The following CCDC174 variants were observed in gnomAD, a reference collection of about 807,000 sequenced individuals.
CCDC174 encodes coiled-coil domain-containing protein 174.
Under a neutral mutation model 57.1 loss-of-function variants are expected in CCDC174, and 37 were observed. The ratio of observed to expected loss-of-function variants is 0.65; its 90% CI spans 0.50 to 0.85. The LOEUF (loss-of-function observed/expected upper bound fraction) is 0.85. Ranked by LOEUF, CCDC174 falls within the 40% of genes least tolerant of loss-of-function variation. The pLI, the probability that CCDC174 is intolerant of heterozygous loss-of-function variation, is 0.00. For missense variants in CCDC174, 540 were observed against 574.3 expected, an observed-to-expected ratio of 0.94 and a Z score of 0.61; for synonymous variants, 182 against 190.2, an observed-to-expected ratio of 0.96 and a Z score of 0.35.
In CCDC174 at chr3:14,661,667, G is replaced by T. The variant is rs373103622; in HGVS notation, c.445G>T (p.Glu149Ter). ...GGACGACGATGAGGAAAACCTTCCT[G>T]AGGGAGAGATCCCTCCTCCCCAAGA... The part of the protein sequence containing the change: ...ERDDDEENLP[E>*]GEIPPPQDPS... Residue 149 changes from glutamate to a stop codon, truncating the protein, a stop_gained, in exon 5 of 11, where the codon GAG becomes TAG. Transcript: ENST00000383794. LOFTEE classifies it high-confidence loss of function. 2.5e-6 allele frequency: 4 copies of T among 1,614,038 alleles called. No homozygotes were observed. The highest frequency in any genetic ancestry group is 3.4e-6 in the Non-Finnish European group (4 of 1,180,008).
At chr3:14,666,663 C>A in intron 6 of CCDC174, 142 bp from the exon 7 acceptor site, 1 of 601,154 alleles carries the variant, frequency 1.7e-6, no homozygotes, top group Non-Finnish European at 2.7e-6. Context: ...GATTTTCCAG[C>A]AGTCTTGTGG....
intron 4 of CCDC174, among the ~76,000 whole-genome samples, chr3:14,660,765 G>A (rs2053017): frequency 0.39 from 59,390 of 152,104 alleles, 12,040 homozygotes; most frequent in African/African-American, 0.49. Flanking sequence ...TGGGTTCAAT[G>A]TAGCTTAATC....
At chr3:14,651,939 G>C in intron 1 of CCDC174, 61 bp downstream of exon 1, 1 of 1,539,522 alleles carries the variant, frequency 6.5e-7, no homozygotes, top group Non-Finnish European at 9.0e-7. Flanking sequence ...CATCAGACAA[G>C]AATGTCGACC....
chr3:14,652,959 A>G (rs1266853359), intron 1 of CCDC174, among the ~76,000 whole-genome samples: 1 of 151,938 alleles, frequency 6.6e-6, no homozygotes, highest in African/African-American at 2.4e-5. Context: ...CACTCACTCT[A>G]CTTGACTCCA....
intron 1 of CCDC174, 44 bp downstream of exon 1, chr3:14,651,922 G>A: frequency 1.3e-6 from 2 of 1,591,852 alleles, no homozygotes; most frequent in South Asian, 1.1e-5. Flanking sequence ...CGGGTTCACC[G>A]TGTCTCCATC....
chr3:14,666,292 G>C (rs182136800), intron 6 of CCDC174, among the ~76,000 whole-genome samples: 1 of 152,106 alleles, frequency 6.6e-6, no homozygotes, highest in African/African-American at 2.4e-5. Context: ...GCAAGATTCC[G>C]TCAGGCTAAG....
At chr3:14,652,826 G>A (rs1401737423) in intron 1 of CCDC174, among the ~76,000 whole-genome samples, 8 of 150,762 alleles carry the variant, frequency 5.3e-5, no homozygotes, top group Non-Finnish European at 1.2e-4. Context: ...CGCTTGAACC[G>A]GGGAGGCGGA....
chr3:14,666,844 A>C lies in CCDC174; in HGVS notation c.621A>C (p.Glu207Asp). 1.3e-6 allele frequency: 2 copies of C among 1,595,956 alleles called. No homozygotes were observed. Among genetic ancestry groups the C allele is most frequent in the Non-Finnish European group, 1.7e-6 (2 of 1,175,580 alleles). The change falls in exon 7 of 11, where the codon GAA becomes GAC. Residue 207 changes from glutamate to aspartate, a missense_variant. Physicochemically the swap from Glu to Asp is conservative, Grantham distance 45. Transcript: ENST00000383794. ...CTAATGAAAAAACCCTATTATCTGA[A>C]GATATGAGAAAAGAACTTCAGCGCC... ...SPANEKTLLSEDMRKELQRQQ... is the reference protein window; with the variant it reads ...SPANEKTLLSDDMRKELQRQQ...
At chr3:14,666,641 G>A (rs972975201) in intron 6 of CCDC174, among the ~76,000 whole-genome samples, 164 bp from the exon 7 acceptor site, 3 of 151,588 alleles carry the variant, frequency 2.0e-5, no homozygotes, top group African/African-American at 7.3e-5. Flanking sequence ...AAAAGGCGAA[G>A]GCTGTTTTAT....
rs755164143 is a variant in CCDC174 at position 14,651,893 on chromosome 3, G to A, written c.42+15G>A. The A allele has an allele frequency of 3.2e-5, 51 of 1,613,224 alleles. No individual in the cohort carries two copies. In the Admixed American group the frequency reaches 3.7e-4, roughly 12 times the overall value. ...CGGCCTCCTCGGTGAGTGAGGGTATGAGGTAACTCCACGGGCTCCGGGTTC... is the reference window on the plus strand; with the variant it reads ...CGGCCTCCTCGGTGAGTGAGGGTATAAGGTAACTCCACGGGCTCCGGGTTC... On this transcript the variant is annotated intron_variant, in intron 1 of 10. Coordinates refer to ENST00000383794, the MANE Select transcript of CCDC174 (RefSeq NM_016474.5).
intron 3 of CCDC174, 135 bp from the exon 4 acceptor site, chr3:14,658,736 G>C (rs1204419673): frequency 3.3e-6 from 3 of 919,914 alleles, no homozygotes; most frequent in Middle Eastern, 2.4e-4. Flanking sequence ...AGGATGGTGT[G>C]GTCTGTGCTG....
At chr3:14,667,017 A>G in intron 7 of CCDC174, 70 bp downstream of exon 7, 1 of 1,319,920 alleles carries the variant, frequency 7.6e-7, no homozygotes, top group Non-Finnish European at 1.0e-6. Context: ...CATAAAGGGA[A>G]GTATTCATAA....
chr3:14,664,919 T>C (rs1256308094), intron 5 of CCDC174, 109 bp from the exon 6 acceptor site: 1 of 768,154 alleles, frequency 1.3e-6, no homozygotes, highest in Non-Finnish European at 2.3e-6. Context: ...TTGGGGGCTC[T>C]TCTTGGTAGT....
At chr3:14,670,180 C>T in intron 10 of CCDC174, 94 bp downstream of exon 10, 1 of 1,264,752 alleles carries the variant, frequency 7.9e-7, no homozygotes, top group South Asian at 1.4e-5. Context: ...TAACTTCGTG[C>T]TGCCTTGTGT....
rs768760183 is a variant in CCDC174, at chr3:14,670,971, C to T, written c.1181C>T (p.Ser394Leu). The stretch of plus-strand genomic sequence containing the variant: ...AGAGATCCTGAGTTTGCCCCGCCGT[C>T]AGATTACTTTGTGGGTCAGAAGAGA... ...AERDPEFAPP[S>L]DYFVGQKRTG... Residue 394 changes from serine to leucine, a missense_variant, in exon 11 of 11, where the codon TCA becomes TTA. Ser to Leu is a moderately radical substitution (Grantham distance 145). Transcript: ENST00000383794. 6 of 1,614,166 alleles carry T rather than the reference C, an allele frequency of 3.7e-6. No homozygotes were observed. The East Asian group carries it at 6.7e-5, about 18-fold the overall frequency.
At chr3:14,666,587 C>T (rs2031346781) in intron 6 of CCDC174, among the ~76,000 whole-genome samples, 1 of 151,810 alleles carries the variant, frequency 6.6e-6, no homozygotes, top group African/African-American at 2.4e-5. Context: ...CGTGCCACTG[C>T]ACTCCAGCCT....
At chr3:14,667,626 T>C (rs540175357) in intron 8 of CCDC174, 108 bp downstream of exon 8, 12 of 830,246 alleles carry the variant, frequency 1.4e-5, no homozygotes, top group African/African-American at 5.1e-5. Context: ...AAAATTGATA[T>C]TCAGAATTGC....
At chr3:14,656,084 T>C (rs1028728833) in intron 3 of CCDC174, among the ~76,000 whole-genome samples, 3 of 152,182 alleles carry the variant, frequency 2.0e-5, no homozygotes, top group Non-Finnish European at 2.9e-5. Context: ...CACGCGTGTG[T>C]AGAGAGACTT....
At chr3:14,654,616 A>G in intron 2 of CCDC174, 86 bp downstream of exon 2, 2 of 631,628 alleles carry the variant, frequency 3.2e-6, no homozygotes, top group Non-Finnish European at 5.5e-6. Context: ...TGTCAGTGGT[A>G]TCTGTACACA....
Sources: gnomAD v4.1 joint callset for allele counts (sites outside exome capture counted in the v4.1 genomes callset) on GRCh38, gnomAD v4.1.1 for gene constraint, MANE v1.5 for transcripts, NCBI Gene and HGNC (gene_info 2026-07-23, HGNC 2026-07-21) for gene names.